Variants in XKR4 observed in about 807,000 individuals in gnomAD.
XKR4 encodes XK-related protein 4.
In XKR4, 12 loss-of-function variants were observed where a neutral mutation model predicts 53.9. The ratio of observed to expected loss-of-function variants is 0.22; its 90% CI spans 0.14 to 0.36. XKR4 has a LOEUF of 0.36. Ranked by LOEUF, XKR4 falls within the 10% of genes least tolerant of loss-of-function variation. XKR4 has a pLI of 1.00. For synonymous variants in XKR4, 354 were observed against 362.4 expected (o/e 0.98, Z 0.26); for missense variants, 799 against 859.5 (o/e 0.93, Z 0.88).
intron 1 of XKR4, among the ~76,000 whole-genome samples, chr8:55,304,928 A>C (rs145086694): frequency 1.3e-5 from 2 of 152,160 alleles, no homozygotes; most frequent in Non-Finnish European, 1.5e-5. Flanking sequence ...AAGCTTCATC[A>C]TAACAGAAAA....
intron 2 of XKR4, among the ~76,000 whole-genome samples, chr8:55,493,979 T>C (rs1228018558): frequency 6.6e-6 from 1 of 152,256 alleles, no homozygotes; most frequent in Non-Finnish European, 1.5e-5. Flanking sequence ...TGGCTAGTGG[T>C]GCCTTTGCCC....
At chr8:55,500,485 C>T (rs1390359434) in intron 2 of XKR4, among the ~76,000 whole-genome samples, 2 of 152,164 alleles carry the variant, frequency 1.3e-5, no homozygotes, top group South Asian at 2.1e-4. Flanking sequence ...GTTAGACATA[C>T]AGCTAAAAGA....
chr8:55,508,844 C>T (rs1018697055), intron 2 of XKR4, among the ~76,000 whole-genome samples: 7 of 152,244 alleles, frequency 4.6e-5, no homozygotes, highest in African/African-American at 1.7e-4. Context: ...GGTCACCGAA[C>T]TCAGGCTACA....
At chr8:55,342,715 G>A (rs966820544) in intron 1 of XKR4, among the ~76,000 whole-genome samples, 1 of 152,140 alleles carries the variant, frequency 6.6e-6, no homozygotes, top group Admixed American at 6.5e-5. Context: ...TTTGGACTTT[G>A]ACCCAGGTTT....
At chr8:55,159,145 G>A (rs1393526472) in intron 1 of XKR4, among the ~76,000 whole-genome samples, 1 of 152,054 alleles carries the variant, frequency 6.6e-6, no homozygotes, top group Admixed American at 6.6e-5. Flanking sequence ...TGTCACCTCT[G>A]ACTATTTTGA....
intron 2 of XKR4, among the ~76,000 whole-genome samples, chr8:55,513,766 TA>T (rs1371012567): frequency 6.6e-6 from 1 of 152,230 alleles, no homozygotes; most frequent in Non-Finnish European, 1.5e-5. Flanking sequence ...TGTAACCATC[TA>T]AAAAAGTTTC....
At chr8:55,387,791 G>A (rs1417185712) in intron 2 of XKR4, among the ~76,000 whole-genome samples, 2 of 152,174 alleles carry the variant, frequency 1.3e-5, no homozygotes, top group Non-Finnish European at 2.9e-5. Context: ...CAGGCCAATA[G>A]CCTGTCCCTC....
At chr8:55,247,695 A>C (rs559312729) in intron 1 of XKR4, among the ~76,000 whole-genome samples, 25 of 152,134 alleles carry the variant, frequency 1.6e-4, no homozygotes, top group African/African-American at 4.8e-4. Flanking sequence ...TTTCTGCCAG[A>C]CTTAAGATCT....
intron 1 of XKR4, among the ~76,000 whole-genome samples, chr8:55,270,871 A>G (rs946618304): frequency 3.3e-5 from 5 of 152,192 alleles, no homozygotes; most frequent in Admixed American, 1.3e-4. Context: ...TGAAAGGCAT[A>G]TAAAATAGAA....
intron 1 of XKR4, among the ~76,000 whole-genome samples, chr8:55,163,158 A>G (rs1215854797): frequency 1.3e-5 from 2 of 152,226 alleles, no homozygotes; most frequent in Non-Finnish European, 2.9e-5. Flanking sequence ...TTACATACAC[A>G]TACCTGCTGG....
At chr8:55,365,834 C>G (rs1803974879) in intron 2 of XKR4, among the ~76,000 whole-genome samples, 1 of 151,982 alleles carries the variant, frequency 6.6e-6, no homozygotes, top group Non-Finnish European at 1.5e-5. Flanking sequence ...AAGCTCTTAT[C>G]TGTAGGGCTA....
chr8:55,170,584 T>C (rs1233246341), intron 1 of XKR4, among the ~76,000 whole-genome samples: 1 of 152,224 alleles, frequency 6.6e-6, no homozygotes, highest in Non-Finnish European at 1.5e-5. Context: ...AAGTAAATTG[T>C]AGGGCTTTAA....
intron 2 of XKR4, among the ~76,000 whole-genome samples, chr8:55,479,874 C>G (rs1167863322): frequency 6.6e-6 from 1 of 152,078 alleles, no homozygotes. Flanking sequence ...CTGAATAGAC[C>G]AATAACAGGC....
chr8:55,366,456 G>A (rs775681147), intron 2 of XKR4, among the ~76,000 whole-genome samples: 66 of 152,302 alleles, frequency 4.3e-4, no homozygotes, highest in Middle Eastern at 3.4e-3. Flanking sequence ...CCAGGCAGCC[G>A]AGTCTGGCAA....
At chr8:55,428,647 C>T (rs1805054610) in intron 2 of XKR4, among the ~76,000 whole-genome samples, 1 of 152,206 alleles carries the variant, frequency 6.6e-6, no homozygotes, top group Non-Finnish European at 1.5e-5. Flanking sequence ...CATGAGACTG[C>T]ATGGGGAGCC....
intron 1 of XKR4, among the ~76,000 whole-genome samples, chr8:55,242,631 T>TA (rs2129368448): frequency 6.6e-6 from 1 of 152,222 alleles, no homozygotes; most frequent in Admixed American, 6.5e-5. Flanking sequence ...TGGCATCGAT[T>TA]AAAAAAATAA....
At chr8:55,118,263 A>G (rs1383905192) in intron 1 of XKR4, among the ~76,000 whole-genome samples, 2 of 152,226 alleles carry the variant, frequency 1.3e-5, no homozygotes, top group Non-Finnish European at 2.9e-5. Flanking sequence ...GTAGTACTAA[A>G]GAATGCTAAG....
At chr8:55,265,565 G>A (rs883011) in intron 1 of XKR4, among the ~76,000 whole-genome samples, 34,035 of 152,128 alleles carry the variant, frequency 0.22, 4,244 homozygotes, top group East Asian at 0.49. Flanking sequence ...GAGTAAGAAA[G>A]GGAGGGGGCT....
Position 55,423,226 on chromosome 8 carries a change from G to A in XKR4, c.1006+65349G>A, listed in dbSNP as rs573914810. On this transcript the variant is annotated intron_variant, in intron 2 of 2. Coordinates refer to ENST00000327381, the MANE Select transcript of XKR4 (RefSeq NM_052898.2). ...TTCTCATGCCTCAGCCTCCTGAGTA[G>A]ATAGGATTACAGGCGCCTGCCACCA... Among the ~76,000 whole-genome samples, 4 of 152,146 alleles carry A rather than the reference G, an allele frequency of 2.6e-5. No individual in the cohort carries two copies. The South Asian group carries it at 8.3e-4, about 32-fold the overall frequency.
Sources: gnomAD v4.1 joint callset for allele counts (sites outside exome capture counted in the v4.1 genomes callset) on GRCh38, gnomAD v4.1.1 for gene constraint, MANE v1.5 for transcripts, NCBI Gene and HGNC (gene_info 2026-07-23, HGNC 2026-07-21) for gene names.